CCDC7: variants seen among roughly 807,000 people sequenced by gnomAD.
The protein encoded by CCDC7 is coiled-coil domain-containing protein 7.
CCDC7 carries 183 observed loss-of-function variants against 196.9 expected under a neutral mutation model. The observed-to-expected ratio is 0.93, with a 90% CI of 0.82 to 1.05. The LOEUF is 1.05. Ranked by LOEUF, CCDC7 falls within the 50% of genes least tolerant of loss-of-function variation. The pLI is 0.00. For synonymous variants in CCDC7, 525 were observed against 484.6 expected (o/e 1.08, Z -1.10); for missense variants, 1,540 against 1,482.2 (o/e 1.04, Z -0.64).
intron 24 of CCDC7, among the ~76,000 whole-genome samples, chr10:32,704,426 G>C (rs1225011631): frequency 1.3e-5 from 2 of 152,084 alleles, no homozygotes; most frequent in Non-Finnish European, 2.9e-5. Flanking sequence ...CCTACTGGGG[G>C]GTGCCTCCCA....
intron 11 of CCDC7, among the ~76,000 whole-genome samples, chr10:32,528,653 T>TATATATATACACACACATATATATATAC (rs2049054287): frequency 6.8e-6 from 1 of 147,242 alleles, no homozygotes; most frequent in Non-Finnish European, 1.5e-5. Flanking sequence ...TGTGTGTGTA[T>TATATATATACACACACATATATATATAC]ATATATATAC....
intron 18 of CCDC7, among the ~76,000 whole-genome samples, chr10:32,608,585 A>G (rs1173856071): frequency 1.3e-5 from 2 of 151,928 alleles, no homozygotes; most frequent in Non-Finnish European, 2.9e-5. Flanking sequence ...TCTGTTGCCC[A>G]GGCGGTGTGC....
intron 8 of CCDC7, among the ~76,000 whole-genome samples, chr10:32,484,598 G>A (rs1021704437): frequency 2.6e-5 from 4 of 152,148 alleles, no homozygotes; most frequent in African/African-American, 7.2e-5. Context: ...AATGCTTCCA[G>A]TTTTTGCCCA....
chr10:32,458,509 G>A (rs2034894625), intron 3 of CCDC7, among the ~76,000 whole-genome samples: 1 of 143,090 alleles, frequency 7.0e-6, no homozygotes, highest in Admixed American at 7.2e-5. Context: ...AAAGAGACAA[G>A]GTCTCACTTT....
At chr10:32,668,680 T>C (rs1416067888) in intron 21 of CCDC7, among the ~76,000 whole-genome samples, 3 of 152,156 alleles carry the variant, frequency 2.0e-5, no homozygotes, top group African/African-American at 4.8e-5. Context: ...CATTTATTGA[T>C]TTGTGTATGT....
In CCDC7 at chr10:32,721,189, A is replaced by G. The variant is rs573580258; in HGVS notation, c.2570-5545A>G. ...CCCAGAATTGGTGAACTTTGGTTGA[A>G]CTTTATAACACTATTTTATGGCTAT... On this transcript the variant is annotated intron_variant, in intron 25 of 41. Coordinates refer to ENST00000639629, the Ensembl canonical transcript of CCDC7. Among the ~76,000 whole-genome samples the G allele has an allele frequency of 1.4e-3, 218 of 152,306 alleles. 1 individual carries two copies. The highest frequency in any genetic ancestry group is 5.0e-3 in the African/African-American group (207 of 41,580).
Position 32,704,563 on chromosome 10 carries a change from G to T in CCDC7, c.2459-7057G>T, listed in dbSNP as rs565601630. Among the ~76,000 whole-genome samples, 5 of 152,264 alleles carry T rather than the reference G, an allele frequency of 3.3e-5. No homozygotes were observed. In the East Asian group the frequency reaches 9.6e-4, roughly 29 times the overall value. On this transcript the variant is annotated intron_variant, in intron 24 of 41. Transcript: ENST00000639629. ...TCAGACAGGGACATTTAAGTCTGCAGAGGTTTCTACTGCCTTTTGTTTGGG... is the reference window on the plus strand; with the variant it reads ...TCAGACAGGGACATTTAAGTCTGCATAGGTTTCTACTGCCTTTTGTTTGGG...
At chr10:32,864,953 A>G (rs2094148304) in intron 41 of CCDC7, among the ~76,000 whole-genome samples, 1 of 151,964 alleles carries the variant, frequency 6.6e-6, no homozygotes, top group Non-Finnish European at 1.5e-5. Flanking sequence ...TCTATCTCAA[A>G]TCATGCACAG....
chr10:32,672,815 T>C (rs980188703), intron 21 of CCDC7, among the ~76,000 whole-genome samples: 5 of 152,178 alleles, frequency 3.3e-5, no homozygotes, highest in African/African-American at 1.2e-4. Flanking sequence ...TTGCTACAGT[T>C]TCATTAATGT....
intron 21 of CCDC7, among the ~76,000 whole-genome samples, chr10:32,664,563 A>G (rs2072230614): frequency 6.6e-6 from 1 of 152,046 alleles, no homozygotes; most frequent in Non-Finnish European, 1.5e-5. Context: ...TGACTTTTTA[A>G]AACTCCTCAT....
intron 32 of CCDC7, among the ~76,000 whole-genome samples, chr10:32,828,416 G>GAAGAA (rs2091473627): frequency 9.9e-6 from 1 of 100,658 alleles, no homozygotes; most frequent in Non-Finnish European, 2.0e-5. Context: ...GAAGGAGAAG[G>GAAGAA]AGAAGAAGAA....
At chr10:32,476,222 C>A (rs1325708600) in intron 8 of CCDC7, among the ~76,000 whole-genome samples, 1 of 152,154 alleles carries the variant, frequency 6.6e-6, no homozygotes, top group Non-Finnish European at 1.5e-5. Context: ...ACCTCTTCCT[C>A]CATCCACCTG....
chr10:32,810,755 C>A (rs1421511831), intron 30 of CCDC7, among the ~76,000 whole-genome samples: 1 of 152,022 alleles, frequency 6.6e-6, no homozygotes, highest in African/African-American at 2.4e-5. Flanking sequence ...CAGGTTAGAC[C>A]ATATGTTAGG....
intron 41 of CCDC7, among the ~76,000 whole-genome samples, chr10:32,870,551 A>G (rs2094391153): frequency 6.6e-6 from 1 of 152,144 alleles, no homozygotes; most frequent in Non-Finnish European, 1.5e-5. Context: ...AACACGGACA[A>G]TTTGACTTCC....
chr10:32,829,187 A>C, intron 32 of CCDC7, among the ~76,000 whole-genome samples: 1 of 152,202 alleles, frequency 6.6e-6, no homozygotes, highest in African/African-American at 2.4e-5. Context: ...GTCAATGGGA[A>C]ACTACAACAG....
At chr10:32,688,979 C>T (rs560830522) in intron 22 of CCDC7, 74 bp from the exon 24 acceptor site, 5 of 952,840 alleles carry the variant, frequency 5.2e-6, no homozygotes, top group African/African-American at 1.7e-5. Flanking sequence ...ACTGCACATT[C>T]GTAAATTTGA....
chr10:32,563,315 G>A (rs542003073), intron 13 of CCDC7, among the ~76,000 whole-genome samples: 21 of 152,104 alleles, frequency 1.4e-4, no homozygotes, highest in African/African-American at 4.6e-4. Flanking sequence ...AGTTCATATG[G>A]AACCAAAAAA....
chr10:32,665,156 G>A (rs531625096), intron 21 of CCDC7, among the ~76,000 whole-genome samples: 6 of 151,968 alleles, frequency 3.9e-5, no homozygotes, highest in South Asian at 4.1e-4. Flanking sequence ...TTTTATTTGC[G>A]TTGATTGTTT....
At chr10:32,565,372 G>A (rs905754773) in intron 13 of CCDC7, among the ~76,000 whole-genome samples, 186 bp from the exon 15 acceptor site, 1 of 152,172 alleles carries the variant, frequency 6.6e-6, no homozygotes, top group Non-Finnish European at 1.5e-5. Context: ...ATTTGCCTGT[G>A]AAAAATCAAT....
Sources: gnomAD v4.1 joint callset for allele counts (sites outside exome capture counted in the v4.1 genomes callset) on GRCh38, gnomAD v4.1.1 for gene constraint, MANE v1.5 for transcripts, NCBI Gene and HGNC (gene_info 2026-07-23, HGNC 2026-07-21) for gene names.